Variants in SIDT1 observed in about 807,000 individuals in gnomAD.
SIDT1 encodes the protein SID1 transmembrane family, member 1.
SIDT1 carries 101 observed loss-of-function variants against 107.5 expected under a neutral mutation model. The observed-to-expected ratio is 0.94, with a 90% confidence interval of 0.80 to 1.11. The LOEUF is 1.11. Ranked by LOEUF, SIDT1 falls within the 50% of genes least tolerant of loss-of-function variation. SIDT1 has a pLI of 0.00. For synonymous variants in SIDT1, 395 were observed against 398.2 expected (o/e 0.99, Z 0.10); for missense variants, 1,076 against 1,058.2 (o/e 1.02, Z -0.23).
In SIDT1 at chr3:113,623,549, G is replaced by A. The variant is rs1187598867; in HGVS notation, c.2196+17G>A. On this transcript the variant is annotated intron_variant, in intron 22 of 24. Transcript: ENST00000264852. ...ATCATGAAGGTAAGAGCGGGTGCCG[G>A]GAGCGGCTACCTCGGGCCCTCGGGC... The A allele has an allele frequency of 6.2e-7, 1 of 1,607,766 alleles. No homozygotes were observed.
intron 19 of SIDT1, among the ~76,000 whole-genome samples, chr3:113,612,585 A>C (rs1405717650): frequency 6.6e-6 from 1 of 152,210 alleles, no homozygotes; most frequent in Non-Finnish European, 1.5e-5. Flanking sequence ...TTCTCTAACC[A>C]TGCTAAATGG....
chr3:113,593,427 G>A (rs566693223), intron 10 of SIDT1, among the ~76,000 whole-genome samples: 4 of 152,280 alleles, frequency 2.6e-5, no homozygotes, highest in South Asian at 2.1e-4. Context: ...TCTGGGTTGC[G>A]TGCTCCTTAT....
Position 113,623,422 on chromosome 3 carries a change from T to G in SIDT1, c.2091-5T>G. The G allele has an allele frequency of 3.1e-6, 5 of 1,606,346 alleles. No homozygotes were observed. Among genetic ancestry groups the G allele is most frequent in the Non-Finnish European group, 4.3e-6 (5 of 1,173,004 alleles). ...CGGCTGCCCACATTTCTCCCACGCC[T>G]GCAGCGCCCTCTTTGGATTGATATA... On this transcript the variant is annotated splice_polypyrimidine_tract_variant and splice_region_variant and intron_variant, in intron 21 of 24. Coordinates refer to ENST00000264852, the MANE Select transcript of SIDT1 (RefSeq NM_017699.3).
chr3:113,608,837 T>G (rs1945532015), intron 17 of SIDT1, among the ~76,000 whole-genome samples: 1 of 152,212 alleles, frequency 6.6e-6, no homozygotes, highest in Non-Finnish European at 1.5e-5. Context: ...CCTTTGATTG[T>G]ACCCAGCCTG....
chr3:113,608,258 C>T lies in SIDT1; in HGVS notation c.1602+41C>T, dbSNP rs201631155. On this transcript the variant is annotated intron_variant, in intron 16 of 24. Coordinates refer to ENST00000264852, the MANE Select transcript of SIDT1 (RefSeq NM_017699.3). ...GTAGGAGCTAGGAAGGGTTATGGAT[C>T]CAAACAGGATCTGCAAAGGGGTGGG... 66 of 1,558,260 alleles carry T rather than the reference C, an allele frequency of 4.2e-5. No individual in the cohort carries two copies. The African/African-American group carries it at 5.2e-4, about 12-fold the overall frequency.
chr3:113,540,379 T>C, intron 1 of SIDT1, among the ~76,000 whole-genome samples: 1 of 152,236 alleles, frequency 6.6e-6, no homozygotes, highest in Admixed American at 6.5e-5. Flanking sequence ...ATTACTCATT[T>C]GCTTTATCCC....
In SIDT1 at chr3:113,585,274, G is replaced by A. The variant is rs1306803237; in HGVS notation, c.1001+4G>A. On this transcript the variant is annotated splice_donor_region_variant and intron_variant, in intron 9 of 24. Transcript: ENST00000264852. Reference sequence around the variant, plus strand: ...TTGGGTTTGTTCATTATCTGAGGTAGGTCAATCTTTTCTAGAAATGTTAAT... The same window carrying A: ...TTGGGTTTGTTCATTATCTGAGGTAAGTCAATCTTTTCTAGAAATGTTAAT... 1.3e-6 allele frequency: 2 copies of A among 1,598,928 alleles called. No homozygotes were observed. Among genetic ancestry groups the A allele is most frequent in the African/African-American group, 2.7e-5 (2 of 74,502 alleles).
intron 1 of SIDT1, among the ~76,000 whole-genome samples, chr3:113,543,571 G>T (rs59719772): frequency 0.032 from 4,795 of 151,862 alleles, 119 homozygotes; most frequent in African/African-American, 0.071. Flanking sequence ...CAACTTGGGG[G>T]TTTTTTTTAG....
At chr3:113,597,560 A>C (rs1208519907) in intron 10 of SIDT1, among the ~76,000 whole-genome samples, 2 of 151,484 alleles carry the variant, frequency 1.3e-5, no homozygotes, top group Non-Finnish European at 2.9e-5. Context: ...CTCCCTCTTC[A>C]GCTTCCAACC....
chr3:113,627,602 A>C, intron 24 of SIDT1, 44 bp from the exon 25 acceptor site: 1 of 1,584,852 alleles, frequency 6.3e-7, no homozygotes, highest in Non-Finnish European at 8.7e-7. Context: ...TTAGTGTGAC[A>C]GTGACTGTCC....
chr3:113,577,269 C>T (rs116386930), intron 4 of SIDT1, among the ~76,000 whole-genome samples: 1,925 of 152,264 alleles, frequency 0.013, 43 homozygotes, highest in African/African-American at 0.044. Flanking sequence ...TGTTAGACTG[C>T]ACCTGGTGCT....
intron 19 of SIDT1, among the ~76,000 whole-genome samples, chr3:113,613,147 G>A (rs548509346): frequency 6.6e-6 from 1 of 152,290 alleles, no homozygotes; most frequent in African/African-American, 2.4e-5. Context: ...TGTGCATGTG[G>A]CACCTTTGCC....
chr3:113,540,987 T>TTATTCTATCA (rs201353945), intron 1 of SIDT1, among the ~76,000 whole-genome samples: 3,674 of 152,270 alleles, frequency 0.024, 68 homozygotes, highest in Non-Finnish European at 0.041. Context: ...AGTAATGAAC[T>TTATTCTATCA]TATTCTATCA....
chr3:113,617,009 A>G (rs1946157977), intron 20 of SIDT1, among the ~76,000 whole-genome samples: 1 of 152,206 alleles, frequency 6.6e-6, no homozygotes, highest in Non-Finnish European at 1.5e-5. Context: ...TTTTTTAAAA[A>G]TAAAATAAAA....
intron 23 of SIDT1, 49 bp downstream of exon 23, chr3:113,623,782 C>T (rs1190276245): frequency 7.6e-7 from 1 of 1,309,506 alleles, no homozygotes; most frequent in Non-Finnish European, 1.1e-6. Context: ...CTCCAACTTG[C>T]CATTTTGGCC....
chr3:113,602,174 G>A (rs779828261), intron 11 of SIDT1, among the ~76,000 whole-genome samples: 1 of 152,206 alleles, frequency 6.6e-6, no homozygotes, highest in Non-Finnish European at 1.5e-5. Context: ...CCTTAAGTGG[G>A]CTGAAAAGAA....
chr3:113,597,624 T>A (rs901703110), intron 10 of SIDT1, among the ~76,000 whole-genome samples: 1 of 151,952 alleles, frequency 6.6e-6, no homozygotes, highest in African/African-American at 2.4e-5. Context: ...ATGAAGTCCC[T>A]GAAAGACGCA....
rs754517837 is a variant in SIDT1, at chr3:113,608,425, G to A, written c.1609G>A (p.Gly537Arg). The A allele has an allele frequency of 1.4e-5, 22 of 1,611,526 alleles. No homozygotes were observed. Among genetic ancestry groups the A allele is most frequent in the Admixed American group, 1.7e-5 (1 of 59,958 alleles). Residue 537 changes from glycine (G) to arginine (R), a missense_variant, in exon 17 of 25, where the codon GGG becomes AGG. Physicochemically the swap from Gly to Arg is moderately radical, Grantham distance 125. Transcript: ENST00000264852. ...ACCCTTTCTCCTTTTTCAGGAGTACGGGATTCCCAAACACTTTGGTCTCTT... is the reference window on the plus strand; with the variant it reads ...ACCCTTTCTCCTTTTTCAGGAGTACAGGATTCCCAAACACTTTGGTCTCTT... ...EAKDIFAVEY[G>R]IPKHFGLFYA...
chr3:113,584,466 G>C (rs1376603676), intron 7 of SIDT1, among the ~76,000 whole-genome samples: 2 of 152,172 alleles, frequency 1.3e-5, no homozygotes, highest in African/African-American at 4.8e-5. Context: ...GTACCAAAAT[G>C]CACACAAGCA....
Sources: allele counts gnomAD v4.1 joint callset (sites outside exome capture counted in the v4.1 genomes callset), GRCh38; gene constraint gnomAD v4.1.1; transcripts MANE v1.5; gene names NCBI Gene and HGNC (gene_info 2026-07-23, HGNC 2026-07-21).